The following RPAP2 variants were observed in gnomAD, a reference collection of about 807,000 sequenced individuals.
RPAP2 encodes putative RNA polymerase II subunit B1 CTD phosphatase RPAP2.
A neutral mutation model predicts 73.1 loss-of-function variants in RPAP2; 52 were observed. That is an observed-to-expected ratio of 0.71 (90% CI 0.57 to 0.90). The LOEUF (loss-of-function observed/expected upper bound fraction) is 0.90. RPAP2 is among the 40% of genes least tolerant of loss of function. The probability of loss-of-function intolerance (pLI) is 0.00; values close to 1 mark genes in which losing one functional copy is unlikely to be tolerated. For missense variants in RPAP2, 598 were observed against 701.8 expected (o/e 0.85, Z 1.67); for synonymous variants, 225 against 242.1 (o/e 0.93, Z 0.65).
At chr1:92,320,543 T>C in intron 6 of RPAP2, 56 bp from the exon 7 acceptor site, 1 of 1,498,554 alleles carries the variant, frequency 6.7e-7, no homozygotes, top group South Asian at 1.1e-5. Flanking sequence ...GTGCTGGGGT[T>C]ACAGGCATGA....
chr1:92,334,504 G>A (rs1413349989), intron 9 of RPAP2, among the ~76,000 whole-genome samples: 1 of 151,956 alleles, frequency 6.6e-6, no homozygotes, highest in Non-Finnish European at 1.5e-5. Context: ...AACAGTTAGG[G>A]GTCAAATGAC....
intron 10 of RPAP2, among the ~76,000 whole-genome samples, chr1:92,339,538 CT>C (rs1259553317): frequency 2.0e-5 from 3 of 152,096 alleles, no homozygotes; most frequent in Admixed American, 2.0e-4. Flanking sequence ...TGCCTGCTCC[CT>C]TCTGGCAGCC....
At position 92,302,590 on chromosome 1, in the gene RPAP2, A is replaced by ATTTTTTTTTTTT. The variant is rs36067595; in HGVS notation, c.234+1018_234+1029dup. ...ACGGGAGAATTAAATTCCGCATTAA[A>ATTTTTTTTTTTT]TTTTTTTTTTTTTTTTTTTTTTTTT... On this transcript the variant is annotated intron_variant, in intron 3 of 12. Coordinates refer to ENST00000610020, the MANE Select transcript of RPAP2 (RefSeq NM_024813.3). Among the ~76,000 whole-genome samples the ATTTTTTTTTTTT allele has an allele frequency of 7.4e-4, 55 of 74,336 alleles. 6 individuals are homozygous for ATTTTTTTTTTTT. Among genetic ancestry groups the ATTTTTTTTTTTT allele is most frequent in the Non-Finnish European group, 9.9e-4 (43 of 43,252 alleles). 48.8% of individuals were successfully genotyped at this position (74,336 alleles called of 152,430 possible). A position where few individuals can be genotyped will look rare whatever the true frequency, so the allele number is the denominator to read the frequency against.
At position 92,304,342 on chromosome 1, in the gene RPAP2, A is replaced by G; in HGVS notation, c.392A>G (p.Glu131Gly). 1 of 1,514,356 alleles carries G rather than the reference A, an allele frequency of 6.6e-7. No individual in the cohort carries two copies. The highest frequency in any genetic ancestry group is 9.1e-7 in the Non-Finnish European group (1 of 1,102,900). The allele number at this position is 1,514,356 out of a possible 1,614,324, so 93.8% of individuals were successfully genotyped here. A position where few individuals can be genotyped will look rare whatever the true frequency, so the allele number is the denominator to read the frequency against. ...TKTNKVYDITERKSFCSNFCY... is the reference protein window; with the variant it reads ...TKTNKVYDITGRKSFCSNFCY... Reference sequence around the variant, plus strand: ...ACCAATAAAGTCTATGATATTACTGAAAGAAAGGTGAGTTTAAAGGCTTTC... The same window carrying G: ...ACCAATAAAGTCTATGATATTACTGGAAGAAAGGTGAGTTTAAAGGCTTTC... Residue 131 changes from glutamate to glycine, a missense_variant, in exon 5 of 13, where the codon GAA becomes GGA. Physicochemically the swap from Glu to Gly is moderately conservative, Grantham distance 98. Transcript: ENST00000610020.
At chr1:92,309,788 G>A (rs1008470758) in intron 6 of RPAP2, among the ~76,000 whole-genome samples, 5 of 152,342 alleles carry the variant, frequency 3.3e-5, no homozygotes, top group Non-Finnish European at 5.9e-5. Context: ...AAATAAACTT[G>A]TGGGAATGGG....
At chr1:92,320,501 G>T (rs948392691) in intron 6 of RPAP2, 98 bp from the exon 7 acceptor site, 12 of 873,394 alleles carry the variant, frequency 1.4e-5, no homozygotes, top group Non-Finnish European at 2.3e-5. Context: ...TCAATCTCCT[G>T]ACCTCGAGAT....
intron 11 of RPAP2, among the ~76,000 whole-genome samples, chr1:92,358,085 G>A (rs1005186858): frequency 2.0e-5 from 3 of 152,106 alleles, no homozygotes; most frequent in African/African-American, 7.2e-5. Context: ...CTGTGTTTTA[G>A]GAAGGTTAGT....
chr1:92,330,397 C>T (rs1036381204), intron 8 of RPAP2, among the ~76,000 whole-genome samples: 1 of 146,844 alleles, frequency 6.8e-6, no homozygotes, highest in Non-Finnish European at 1.5e-5. Flanking sequence ...GAAGATCACT[C>T]ATTGAACTAT....
At chr1:92,344,723 A>G (rs1653788970) in intron 10 of RPAP2, among the ~76,000 whole-genome samples, 2 of 152,020 alleles carry the variant, frequency 1.3e-5, no homozygotes, top group Non-Finnish European at 2.9e-5. Flanking sequence ...TAAAGGCACT[A>G]TTTCTTCCCA....
At chr1:92,307,426 C>T in intron 6 of RPAP2, 150 bp downstream of exon 6, 1 of 559,414 alleles carries the variant, frequency 1.8e-6, no homozygotes, top group Non-Finnish European at 3.1e-6. Flanking sequence ...TTAAGCATAG[C>T]TATTAAGGAT....
At chr1:92,386,988 A>G in intron 12 of RPAP2, 23 bp from the exon 13 acceptor site, 1 of 1,586,286 alleles carries the variant, frequency 6.3e-7, no homozygotes, top group Middle Eastern at 2.1e-4. Context: ...GTTTTACTCA[A>G]AGTATCCTTT....
chr1:92,373,293 G>A (rs1054990689), intron 11 of RPAP2, among the ~76,000 whole-genome samples: 7 of 152,194 alleles, frequency 4.6e-5, no homozygotes, highest in Non-Finnish European at 8.8e-5. Flanking sequence ...AGCCTCTAAA[G>A]AAGCCTCTAA....
intron 10 of RPAP2, among the ~76,000 whole-genome samples, 169 bp from the exon 11 acceptor site, chr1:92,345,677 A>G (rs186977048): frequency 6.6e-6 from 1 of 152,274 alleles, no homozygotes; most frequent in Admixed American, 6.5e-5. Flanking sequence ...TCAGATAGTG[A>G]CTATTGAGCC....
At chr1:92,341,896 G>A (rs1340655564) in intron 10 of RPAP2, among the ~76,000 whole-genome samples, 1 of 152,210 alleles carries the variant, frequency 6.6e-6, no homozygotes, top group Non-Finnish European at 1.5e-5. Context: ...GCCTGCCTTG[G>A]CCTCCCAACG....
At chr1:92,344,646 T>G (rs1474344566) in intron 10 of RPAP2, among the ~76,000 whole-genome samples, 1 of 152,226 alleles carries the variant, frequency 6.6e-6, no homozygotes, top group African/African-American at 2.4e-5. Flanking sequence ...CTGGGCTGTT[T>G]ATATGCATTT....
intron 12 of RPAP2, among the ~76,000 whole-genome samples, chr1:92,381,180 T>G (rs1368309816): frequency 6.6e-6 from 1 of 152,180 alleles, no homozygotes; most frequent in Non-Finnish European, 1.5e-5. Context: ...TCCCATCTGA[T>G]AAGTTTCTTC....
chr1:92,304,797 A>G (rs910561347), intron 5 of RPAP2, among the ~76,000 whole-genome samples: 1 of 152,212 alleles, frequency 6.6e-6, no homozygotes, highest in Non-Finnish European at 1.5e-5. Context: ...CTATACATAG[A>G]TCAATTTTAG....
chr1:92,314,895 A>G (rs995530798), intron 6 of RPAP2, among the ~76,000 whole-genome samples: 1 of 150,884 alleles, frequency 6.6e-6, no homozygotes, highest in Non-Finnish European at 1.5e-5. Flanking sequence ...AAATACAAAA[A>G]TTAACCGGGC....
chr1:92,345,546 G>A (rs1425813160), intron 10 of RPAP2, among the ~76,000 whole-genome samples: 1 of 151,884 alleles, frequency 6.6e-6, no homozygotes, highest in Non-Finnish European at 1.5e-5. Flanking sequence ...GGGGATATGT[G>A]TGTTTTAATC....
Sources: gnomAD v4.1 joint callset for allele counts (sites outside exome capture counted in the v4.1 genomes callset) on GRCh38, gnomAD v4.1.1 for gene constraint, MANE v1.5 for transcripts, NCBI Gene and HGNC (gene_info 2026-07-23, HGNC 2026-07-21) for gene names.